VWC2L: variants seen among roughly 807,000 people sequenced by gnomAD.
VWC2L encodes the protein von Willebrand factor C domain containing 2 like, also known as von Willebrand factor C domain-containing protein 2-like.
A neutral mutation model predicts 21.6 loss-of-function variants in VWC2L; 10 were observed. The observed-to-expected ratio is 0.46, with a 90% CI of 0.29 to 0.78. The LOEUF is 0.78. Among genes scored for constraint, VWC2L ranks in the 30% least tolerant of loss-of-function variants. The probability of loss-of-function intolerance (pLI) is 0.10; values close to 1 mark genes in which losing one functional copy is unlikely to be tolerated. For synonymous variants in VWC2L, 96 were observed against 94.3 expected, an observed-to-expected ratio of 1.02 and a Z score of -0.10; for missense variants, 209 against 277.1, an observed-to-expected ratio of 0.75 and a Z score of 1.74.
At chr2:214,523,087 A>G (rs965502993) in intron 3 of VWC2L, among the ~76,000 whole-genome samples, 2 of 152,192 alleles carry the variant, frequency 1.3e-5, no homozygotes, top group Non-Finnish European at 2.9e-5. Flanking sequence ...TAATGATTCT[A>G]TCATTTAGTA....
chr2:214,481,939 A>G (rs1688608506), intron 3 of VWC2L, among the ~76,000 whole-genome samples: 2 of 152,212 alleles, frequency 1.3e-5, no homozygotes, highest in Admixed American at 1.3e-4. Flanking sequence ...AACAGGGGAA[A>G]AGAAATGTTC....
intron 2 of VWC2L, among the ~76,000 whole-genome samples, chr2:214,431,753 TA>T (rs763079034): frequency 4.6e-5 from 7 of 152,222 alleles, no homozygotes; most frequent in Non-Finnish European, 1.0e-4. Flanking sequence ...AAGCAACCAT[TA>T]AAATTGATAC....
intron 3 of VWC2L, among the ~76,000 whole-genome samples, chr2:214,497,911 T>A (rs1688834300): frequency 6.6e-6 from 1 of 152,232 alleles, no homozygotes; most frequent in Non-Finnish European, 1.5e-5. Context: ...TACTTAAAGT[T>A]GTGCTAGGTG....
chr2:214,564,432 C>G (rs189704348), intron 3 of VWC2L, among the ~76,000 whole-genome samples: 2 of 151,942 alleles, frequency 1.3e-5, no homozygotes, highest in Admixed American at 6.6e-5. Flanking sequence ...TACAAGGCAA[C>G]AGTAACCAAA....
At chr2:214,511,318 A>G (rs1689048940) in intron 3 of VWC2L, among the ~76,000 whole-genome samples, 4 of 152,172 alleles carry the variant, frequency 2.6e-5, no homozygotes, top group Admixed American at 2.6e-4. Flanking sequence ...CTGTAGCCAA[A>G]CCACTGTGGA....
intron 3 of VWC2L, among the ~76,000 whole-genome samples, chr2:214,480,313 T>C (rs1688585046): frequency 6.6e-6 from 1 of 152,214 alleles, no homozygotes; most frequent in African/African-American, 2.4e-5. Context: ...CCCAGATGTT[T>C]GTGATATGTT....
chr2:214,571,295 T>C (rs1690145826), intron 3 of VWC2L, among the ~76,000 whole-genome samples: 1 of 152,210 alleles, frequency 6.6e-6, no homozygotes, highest in Admixed American at 6.5e-5. Flanking sequence ...ATCCCATTGA[T>C]GCCATTTCCT....
chr2:214,453,725 C>T (rs1198361887), intron 3 of VWC2L, among the ~76,000 whole-genome samples: 9 of 142,520 alleles, frequency 6.3e-5, no homozygotes, highest in Non-Finnish European at 6.1e-5. Context: ...AATTTTTTTT[C>T]TTTTTTTTTT....
intron 3 of VWC2L, among the ~76,000 whole-genome samples, chr2:214,520,549 G>C (rs1164030720): frequency 6.6e-6 from 1 of 152,030 alleles, no homozygotes; most frequent in Non-Finnish European, 1.5e-5. Context: ...CAGGTCAAAA[G>C]GTAAAAGAAT....
At chr2:214,488,365 A>G (rs1688699925) in intron 3 of VWC2L, among the ~76,000 whole-genome samples, 2 of 152,226 alleles carry the variant, frequency 1.3e-5, no homozygotes, top group African/African-American at 4.8e-5. Flanking sequence ...TGGGAGGCCA[A>G]GGCAGGTAGA....
chr2:214,498,719 ATATATTATACATATACATATTTT>A (rs1688846736), intron 3 of VWC2L, among the ~76,000 whole-genome samples: 1 of 147,360 alleles, frequency 6.8e-6, no homozygotes, highest in Non-Finnish European at 1.5e-5. Flanking sequence ...TTATATGTGT[ATATATTATACATATACATATTTT>A]TATATGTGTA....
chr2:214,467,570 T>A (rs941745832), intron 3 of VWC2L, among the ~76,000 whole-genome samples: 1 of 152,182 alleles, frequency 6.6e-6, no homozygotes, highest in Non-Finnish European at 1.5e-5. Flanking sequence ...AATCATTGTT[T>A]TATATATATT....
intron 2 of VWC2L, among the ~76,000 whole-genome samples, chr2:214,423,500 T>C (rs1440870670): frequency 2.6e-5 from 4 of 152,178 alleles, no homozygotes; most frequent in African/African-American, 9.7e-5. Flanking sequence ...TACCAGCTCA[T>C]TTGCATCTTC....
chr2:214,573,247 A>G (rs572570856), intron 3 of VWC2L, among the ~76,000 whole-genome samples: 152 of 152,154 alleles, frequency 1.0e-3, no homozygotes, highest in African/African-American at 3.5e-3. Flanking sequence ...ACACATACAC[A>G]CACACACACA....
intron 2 of VWC2L, among the ~76,000 whole-genome samples, chr2:214,422,536 T>A (rs1219593203): frequency 6.6e-6 from 1 of 152,180 alleles, no homozygotes; most frequent in African/African-American, 2.4e-5. Context: ...GGGAAGCGTT[T>A]GAAACAAATA....
At chr2:214,425,458 TATC>T (rs1406227192) in intron 2 of VWC2L, among the ~76,000 whole-genome samples, 2 of 152,250 alleles carry the variant, frequency 1.3e-5, no homozygotes, top group East Asian at 3.8e-4. Flanking sequence ...TGCACTGATG[TATC>T]ATAACTTAAT....
chr2:214,431,867 AG>A (rs1702605448), intron 2 of VWC2L, among the ~76,000 whole-genome samples: 1 of 152,194 alleles, frequency 6.6e-6, no homozygotes, highest in Admixed American at 6.5e-5. Flanking sequence ...GTGCAATAAA[AG>A]TCTGTAATCA....
rs186388325 is a variant in VWC2L, at chr2:214,418,392, G to C, written c.390+3809G>C. On this transcript the variant is annotated intron_variant, in intron 2 of 3. Transcript: ENST00000312504. ...GTCCAAGACCATACAGCTGGAAAGA[G>C]GAAAAAGTAGGACTCCAAGCCAGGC... Among the ~76,000 whole-genome samples the C allele has an allele frequency of 7.2e-5, 11 of 152,242 alleles. No homozygotes were observed. In the Middle Eastern group the frequency reaches 0.01, roughly 141 times the overall value.
chr2:214,492,155 G>C (rs934104560), intron 3 of VWC2L, among the ~76,000 whole-genome samples: 1 of 152,212 alleles, frequency 6.6e-6, no homozygotes, highest in African/African-American at 2.4e-5. Flanking sequence ...GCAGGGAGAA[G>C]TCAAAGAGTA....
Sources: allele counts gnomAD v4.1 joint callset (sites outside exome capture counted in the v4.1 genomes callset), GRCh38; gene constraint gnomAD v4.1.1; transcripts MANE v1.5; gene names NCBI Gene and HGNC (gene_info 2026-07-23, HGNC 2026-07-21).